PIGF: variants seen among roughly 807,000 people sequenced by gnomAD.
The protein encoded by PIGF is GPI ethanolamine phosphate transferase, stabilizing subunit.
PIGF carries 23 observed loss-of-function variants against 26.0 expected under a neutral mutation model. The ratio of observed to expected loss-of-function variants is 0.88; its 90% CI spans 0.64 to 1.25. The LOEUF (loss-of-function observed/expected upper bound fraction) is 1.25. Ranked by LOEUF, PIGF falls within the 50% of genes most tolerant of loss-of-function variation. The pLI is 0.00. For missense variants in PIGF, 278 were observed against 249.9 expected (o/e 1.11, Z -0.76); for synonymous variants, 93 against 92.6 (o/e 1.00, Z -0.03).
rs1162839141 is a variant in PIGF, at chr2:46,588,611, T to A, written c.546+3864A>T. The A allele has an allele frequency of 6.5e-6, 1 of 153,222 alleles. No individual in the cohort carries two copies. The highest frequency in any genetic ancestry group is 1.5e-5 in the Non-Finnish European group (1 of 68,778). 9.5% of individuals were successfully genotyped at this position (153,222 alleles called of 1,614,324 possible). Reference sequence around the variant, plus strand: ...CCTACCCATTAATAAAACGTGAGTTTAAAAACCTCATGGTCAATTTCCTGT... The same window carrying A: ...CCTACCCATTAATAAAACGTGAGTTAAAAAACCTCATGGTCAATTTCCTGT... On this transcript the variant is annotated intron_variant, in intron 5 of 5. Transcript: ENST00000281382. The surrounding 1 kb of genome is among the most constrained non-coding windows in gnomAD (Gnocchi z 4.1).
At chr2:46,600,479 T>G (rs75731716) in intron 4 of PIGF, among the ~76,000 whole-genome samples, 1,951 of 152,288 alleles carry the variant, frequency 0.013, 49 homozygotes, top group African/African-American at 0.045. Context: ...GTTAAATAAA[T>G]CATGGTACAT....
At chr2:46,582,891 C>T (rs924839411) in intron 5 of PIGF, 24 of 152,548 alleles carry the variant, frequency 1.6e-4, no homozygotes, top group African/African-American at 5.5e-4. Context: ...CTCTCTGAAT[C>T]GGACATTTGG....
chr2:46,586,694 C>G (rs149442146), intron 5 of PIGF, among the ~76,000 whole-genome samples: 142 of 152,322 alleles, frequency 9.3e-4, no homozygotes, highest in African/African-American at 3.2e-3. Flanking sequence ...GAGAGTTCAT[C>G]TTTCAAAGCC....
In PIGF at chr2:46,613,749, T is replaced by C. The variant is rs758862913; in HGVS notation, c.265A>G (p.Met89Val). The change falls in exon 3 of 6, where the codon ATG becomes GTG. Residue 89 changes from methionine to valine, a missense_variant. Physicochemically the swap from Met to Val is conservative, Grantham distance 21. Coordinates refer to ENST00000281382, the MANE Select transcript of PIGF (RefSeq NM_002643.4). ...GFLKCCIYFLMSCFSFHVIFV... is the reference protein window; with the variant it reads ...GFLKCCIYFLVSCFSFHVIFV... ...ATTACATGAAAGGAGAAACAAGACA[T>C]AAGAAAGTAGATACAGCATTTCAAA... 11 of 1,553,502 alleles carry C rather than the reference T, an allele frequency of 7.1e-6. No homozygotes were observed. Among genetic ancestry groups the C allele is most frequent in the Non-Finnish European group, 8.8e-6 (10 of 1,130,776 alleles).
At chr2:46,585,843 G>C (rs951377640) in intron 5 of PIGF, among the ~76,000 whole-genome samples, 1 of 151,662 alleles carries the variant, frequency 6.6e-6, no homozygotes, top group Non-Finnish European at 1.5e-5. Context: ...GCACAATCTC[G>C]GCTCACTGCA....
intron 5 of PIGF, among the ~76,000 whole-genome samples, chr2:46,591,200 G>A (rs72800550): frequency 0.065 from 9,847 of 151,900 alleles, 434 homozygotes; most frequent in Non-Finnish European, 0.1. Flanking sequence ...ACAAATAATC[G>A]AATATTACAT....
intron 2 of PIGF, 156 bp downstream of exon 2, chr2:46,614,781 T>G (rs1206517247): frequency 1.6e-5 from 9 of 561,878 alleles, no homozygotes; most frequent in South Asian, 1.3e-4. Context: ...TGGGCAGCCT[T>G]CCACCAAGTA....
intron 5 of PIGF, among the ~76,000 whole-genome samples, chr2:46,584,022 T>A (rs1572765028): frequency 6.6e-6 from 1 of 152,316 alleles, no homozygotes; most frequent in South Asian, 2.1e-4. Context: ...GTGAATTCTA[T>A]TTACAATAAG....
chr2:46,598,212 G>T (rs1453752055), intron 4 of PIGF, among the ~76,000 whole-genome samples: 1 of 150,460 alleles, frequency 6.6e-6, no homozygotes, highest in Non-Finnish European at 1.5e-5. Flanking sequence ...ACCTTTTATG[G>T]TAAACTTTAA....
intron 4 of PIGF, among the ~76,000 whole-genome samples, chr2:46,611,034 C>T (rs1023995070): frequency 6.6e-6 from 1 of 152,168 alleles, no homozygotes; most frequent in African/African-American, 2.4e-5. Flanking sequence ...ATACTCTTGA[C>T]TTAAGTCCAT....
chr2:46,581,836 G>A (rs1669391829), intron 5 of PIGF: 3 of 359,302 alleles, frequency 8.3e-6, no homozygotes, highest in Admixed American at 4.6e-5. Context: ...CAAAGTGCAT[G>A]AGACACATGC....
chr2:46,582,598 A>G (rs901030325), intron 5 of PIGF: 5 of 152,594 alleles, frequency 3.3e-5, no homozygotes, highest in African/African-American at 4.8e-5. Context: ...CCTTTCCTAC[A>G]TTTAAACTTG....
At chr2:46,601,872 T>A (rs1441021418) in intron 4 of PIGF, among the ~76,000 whole-genome samples, 1 of 152,022 alleles carries the variant, frequency 6.6e-6, no homozygotes, top group Non-Finnish European at 1.5e-5. Context: ...TTTTGTTTAG[T>A]ACTATTCAGG....
intron 5 of PIGF, among the ~76,000 whole-genome samples, chr2:46,583,453 T>G (rs1342502577): frequency 6.6e-6 from 1 of 152,132 alleles, no homozygotes; most frequent in Non-Finnish European, 1.5e-5. Flanking sequence ...TGTATATAGA[T>G]TATCAGAACT....
chr2:46,605,314 CTT>C (rs1670183808), intron 4 of PIGF, among the ~76,000 whole-genome samples: 3 of 152,042 alleles, frequency 2.0e-5, no homozygotes, highest in African/African-American at 7.2e-5. Context: ...AACATAAAGA[CTT>C]AGATTCTTCT....
In PIGF at chr2:46,584,975, T is replaced by C. The variant is rs1231543734; in HGVS notation, c.547-3384A>G. Among the ~76,000 whole-genome samples the C allele has an allele frequency of 4.6e-5, 7 of 152,336 alleles. No individual in the cohort carries two copies. The East Asian group carries it at 1.3e-3, about 29-fold the overall frequency. On this transcript the variant is annotated intron_variant, in intron 5 of 5. Transcript: ENST00000281382. The stretch of plus-strand genomic sequence containing the variant: ...AATTCATTTGTAAATCCTAGCTTAA[T>C]CAGGTATTTTCATAATTAGATCCTA...
intron 5 of PIGF, chr2:46,582,532 T>A (rs1351934221): frequency 1.3e-5 from 2 of 152,316 alleles, no homozygotes; most frequent in Non-Finnish European, 2.9e-5. Context: ...AGACAAAGCT[T>A]CATTGTGAAC....
chr2:46,592,450 G>C, intron 5 of PIGF, 25 bp downstream of exon 5: 1 of 1,089,244 alleles, frequency 9.2e-7, no homozygotes, highest in Non-Finnish European at 1.4e-6. Context: ...CATTTATTTT[G>C]TTGCTTTAAG....
At chr2:46,587,040 G>GA (rs574653810) in intron 5 of PIGF, among the ~76,000 whole-genome samples, 59 of 152,346 alleles carry the variant, frequency 3.9e-4, no homozygotes, top group Admixed American at 6.5e-4. Context: ...TCTCTAACAT[G>GA]AAAGTCCTGT....
Sources: gnomAD v4.1 joint callset for allele counts (sites outside exome capture counted in the v4.1 genomes callset) on GRCh38, gnomAD v4.1.1 for gene constraint, Gnocchi (gnomAD v3.1) non-coding constraint, MANE v1.5 for transcripts, NCBI Gene and HGNC (gene_info 2026-07-23, HGNC 2026-07-21) for gene names.